The following RABEP1 variants were observed in gnomAD, a reference collection of about 807,000 sequenced individuals.
RABEP1 encodes the protein rab GTPase-binding effector protein 1.
In RABEP1, 51 loss-of-function variants were observed where a neutral mutation model predicts 123.4. That is an observed-to-expected ratio of 0.41 (90% CI 0.33 to 0.52). The LOEUF is 0.52. RABEP1 is among the 20% of genes least tolerant of loss of function. RABEP1 has a pLI of 0.16. For synonymous variants in RABEP1, 347 were observed against 355.2 expected, an observed-to-expected ratio of 0.98 and a Z score of 0.26; for missense variants, 888 against 996.3, an observed-to-expected ratio of 0.89 and a Z score of 1.46.
At chr17:5,324,615 C>T (rs1235107637) in intron 2 of RABEP1, among the ~76,000 whole-genome samples, 1 of 152,098 alleles carries the variant, frequency 6.6e-6, no homozygotes, top group Non-Finnish European at 1.5e-5. Flanking sequence ...ATAAGGGAAA[C>T]AAAGTGAAGA....
intron 1 of RABEP1, among the ~76,000 whole-genome samples, chr17:5,293,816 C>T (rs1020529932): frequency 3.3e-5 from 5 of 152,296 alleles, no homozygotes; most frequent in Admixed American, 2.0e-4. Flanking sequence ...AATTAGATAG[C>T]TGCTCATAAC....
chr17:5,311,812 A>C (rs2075245876), intron 2 of RABEP1, among the ~76,000 whole-genome samples: 1 of 152,026 alleles, frequency 6.6e-6, no homozygotes. Context: ...CTCTGGATGC[A>C]TATTATTTAC....
intron 1 of RABEP1, among the ~76,000 whole-genome samples, chr17:5,307,957 C>G (rs1317561118): frequency 6.6e-6 from 1 of 152,184 alleles, no homozygotes; most frequent in East Asian, 1.9e-4. Flanking sequence ...TCTGGTATGG[C>G]TACACTAGTT....
At chr17:5,344,445 C>A (rs1366753696) in intron 5 of RABEP1, among the ~76,000 whole-genome samples, 1 of 151,654 alleles carries the variant, frequency 6.6e-6, no homozygotes, top group Admixed American at 6.6e-5. Context: ...CTCAAAATTG[C>A]CAAGTCCACA....
intron 2 of RABEP1, among the ~76,000 whole-genome samples, chr17:5,314,540 A>G (rs929176238): frequency 4.3e-5 from 6 of 138,014 alleles, no homozygotes; most frequent in Non-Finnish European, 7.7e-5. Flanking sequence ...TTTTTTTGAG[A>G]TGGAGTCTTG....
intron 2 of RABEP1, among the ~76,000 whole-genome samples, chr17:5,326,508 G>A (rs1905982071): frequency 2.6e-5 from 4 of 152,206 alleles, no homozygotes; most frequent in Admixed American, 2.6e-4. Flanking sequence ...AATATGTAGA[G>A]TACAGAGAAT....
rs780831747 is a variant in RABEP1, at chr17:5,383,238, G to A, written c.*15G>A. On this transcript the variant is annotated 3_prime_UTR_variant, in exon 18 of 18. Coordinates refer to ENST00000537505, the MANE Select transcript of RABEP1 (RefSeq NM_004703.6). The stretch of plus-strand genomic sequence containing the variant: ...CTGAGACATGACACCCTCATGGCAG[G>A]ATTCTAGCCTGCACTTTGGGTTTTT... 1 of 1,606,020 alleles carries A rather than the reference G, an allele frequency of 6.2e-7. No individual in the cohort carries two copies. The highest frequency in any genetic ancestry group is 1.1e-5 in the South Asian group (1 of 90,936).
At chr17:5,370,561 C>T (rs1304265969) in intron 12 of RABEP1, among the ~76,000 whole-genome samples, 1 of 152,052 alleles carries the variant, frequency 6.6e-6, no homozygotes, top group Non-Finnish European at 1.5e-5. Context: ...AGAATCCGGC[C>T]AATTGCTTTG....
chr17:5,374,582 G>A (rs142451216), intron 13 of RABEP1, among the ~76,000 whole-genome samples: 1,866 of 150,754 alleles, frequency 0.012, 55 homozygotes, highest in African/African-American at 0.043. Context: ...GATTACAGGC[G>A]TGCGCCAGCA....
chr17:5,322,749 T>C (rs1287868351), intron 2 of RABEP1, among the ~76,000 whole-genome samples: 1 of 152,202 alleles, frequency 6.6e-6, no homozygotes, highest in African/African-American at 2.4e-5. Flanking sequence ...TAAAGAAATG[T>C]GATACATCAC....
At chr17:5,366,595 A>G (rs1463233412) in intron 11 of RABEP1, among the ~76,000 whole-genome samples, 68 of 151,754 alleles carry the variant, frequency 4.5e-4, no homozygotes, top group African/African-American at 1.2e-3. Flanking sequence ...ACAGGCACTT[A>G]CCACCACACC....
intron 8 of RABEP1, among the ~76,000 whole-genome samples, chr17:5,360,159 A>G (rs1195634214): frequency 6.6e-6 from 1 of 152,212 alleles, no homozygotes; most frequent in African/African-American, 2.4e-5. Flanking sequence ...CTATGGATTT[A>G]CTTGTTCTGG....
intron 2 of RABEP1, among the ~76,000 whole-genome samples, chr17:5,326,931 A>G (rs1241409732): frequency 2.0e-5 from 3 of 152,238 alleles, no homozygotes. Flanking sequence ...TAGATGTTAT[A>G]TAGCCTACTA....
At chr17:5,291,089 T>C (rs1439148134) in intron 1 of RABEP1, among the ~76,000 whole-genome samples, 4 of 152,142 alleles carry the variant, frequency 2.6e-5, no homozygotes, top group Non-Finnish European at 5.9e-5. Context: ...GGCTCCAATT[T>C]TCTGATCATA....
intron 15 of RABEP1, among the ~76,000 whole-genome samples, chr17:5,380,055 TCTC>T (rs1169136363): frequency 1.3e-5 from 2 of 152,194 alleles, no homozygotes; most frequent in Non-Finnish European, 2.9e-5. Context: ...TCAAATGTCA[TCTC>T]CTCTAGGAAG....
At chr17:5,288,305 G>GGC (rs1467640839) in intron 1 of RABEP1, among the ~76,000 whole-genome samples, 1 of 152,112 alleles carries the variant, frequency 6.6e-6, no homozygotes, top group African/African-American at 2.4e-5. Context: ...AGTAGGTATG[G>GGC]GCTGGCCTGA....
At chr17:5,325,290 C>T (rs979911921) in intron 2 of RABEP1, among the ~76,000 whole-genome samples, 2 of 151,844 alleles carry the variant, frequency 1.3e-5, no homozygotes, top group Non-Finnish European at 2.9e-5. Context: ...GAGCCAAGAT[C>T]GTGCCACTCA....
rs139632064 is a variant in RABEP1, at chr17:5,309,366, CA to C, written c.163+545del. Among the ~76,000 whole-genome samples, 922 of 149,820 alleles carry C rather than the reference CA, an allele frequency of 6.2e-3. 1 individual carries two copies. The highest frequency in any genetic ancestry group is 0.022 in the African/African-American group (853 of 39,330). Reference sequence around the variant, plus strand: ...GATGAGTCGTTAAAACAGGAAATTGCAGGCTGGGCGCGGTGGCTCACACCTG... The same window carrying C: ...GATGAGTCGTTAAAACAGGAAATTGCGGCTGGGCGCGGTGGCTCACACCTG... On this transcript the variant is annotated intron_variant, in intron 2 of 17. Coordinates refer to ENST00000537505, the MANE Select transcript of RABEP1 (RefSeq NM_004703.6).
intron 2 of RABEP1, among the ~76,000 whole-genome samples, chr17:5,323,951 A>C (rs1567522370): frequency 6.6e-6 from 1 of 151,036 alleles, no homozygotes; most frequent in Non-Finnish European, 1.5e-5. Flanking sequence ...ACACATACAA[A>C]TGGAAAGATG....
Sources: gnomAD v4.1 joint callset for allele counts (sites outside exome capture counted in the v4.1 genomes callset) on GRCh38, gnomAD v4.1.1 for gene constraint, MANE v1.5 for transcripts, NCBI Gene and HGNC (gene_info 2026-07-23, HGNC 2026-07-21) for gene names.